The following TSHZ2 variants were observed in gnomAD, a reference collection of about 807,000 sequenced individuals.
The protein encoded by TSHZ2 is teashirt homolog 2.
In TSHZ2, 21 loss-of-function variants were observed where a neutral mutation model predicts 74.4. The observed-to-expected ratio is 0.28, with a 90% CI of 0.20 to 0.41. The LOEUF is 0.41. Ranked by LOEUF, TSHZ2 falls within the 10% of genes least tolerant of loss-of-function variation. The pLI is 1.00. For synonymous variants in TSHZ2, 540 were observed against 515.3 expected, an observed-to-expected ratio of 1.05 and a Z score of -0.65; for missense variants, 1,244 against 1,293.5, an observed-to-expected ratio of 0.96 and a Z score of 0.59.
chr20:53,103,960 G>T (rs1480303139), intron 1 of TSHZ2, among the ~76,000 whole-genome samples: 1 of 152,164 alleles, frequency 6.6e-6, no homozygotes, highest in Non-Finnish European at 1.5e-5. Context: ...GAGCCCAATT[G>T]ATCTGATGGA....
rs1336564438 is a variant in TSHZ2 at position 52,973,519 on chromosome 20, C to T, written c.40+186C>T. Among the ~76,000 whole-genome samples the T allele has an allele frequency of 9.2e-5, 14 of 152,176 alleles. 1 individual carries two copies. Among genetic ancestry groups the T allele is most frequent in the Admixed American group, 4.6e-4 (7 of 15,292 alleles). ...TCCCAAATCCTCCCCTTCCAAGCTC[C>T]GGTTGGGTTGGGGTGAGCTATCCCA... On this transcript the variant is annotated intron_variant, in intron 1 of 2. Coordinates refer to ENST00000371497, the MANE Select transcript of TSHZ2 (RefSeq NM_173485.6).
intron 1 of TSHZ2, among the ~76,000 whole-genome samples, chr20:53,062,426 G>A (rs1195627210): frequency 6.6e-6 from 1 of 152,202 alleles, no homozygotes; most frequent in Non-Finnish European, 1.5e-5. Context: ...CATCCTAATA[G>A]TTGTGACAAT....
chr20:53,177,640 A>C (rs774055379), intron 1 of TSHZ2, among the ~76,000 whole-genome samples: 3 of 152,238 alleles, frequency 2.0e-5, no homozygotes, highest in Non-Finnish European at 4.4e-5. Context: ...ATTATATCCT[A>C]TGATTACATT....
Position 53,302,777 on chromosome 20 carries a change from G to C in TSHZ2, c.*8+46206G>C, listed in dbSNP as rs116917332. The stretch of plus-strand genomic sequence containing the variant: ...AGGCAAGCCTTCAAAATGGGCTTCA[G>C]TAGATGTCAACTAATAAATGTTCAT... On this transcript the variant is annotated intron_variant, in intron 2 of 2. Transcript: ENST00000371497. Among the ~76,000 whole-genome samples, 916 of 152,336 alleles carry C rather than the reference G, an allele frequency of 6.0e-3. 2 individuals are homozygous for C. Among genetic ancestry groups the C allele is most frequent in the Middle Eastern group, 0.02 (6 of 294 alleles).
chr20:53,260,230 C>G (rs1990576243), intron 2 of TSHZ2, among the ~76,000 whole-genome samples: 1 of 152,196 alleles, frequency 6.6e-6, no homozygotes, highest in East Asian at 1.9e-4. Flanking sequence ...CCAAGCCTTG[C>G]AGCAAGCACT....
chr20:53,231,487 C>A lies in TSHZ2; in HGVS notation c.41-22012C>A, dbSNP rs114586258. Among the ~76,000 whole-genome samples the A allele has an allele frequency of 7.8e-3, 1,182 of 152,208 alleles. 11 individuals carry two copies. The highest frequency in any genetic ancestry group is 0.028 in the African/African-American group (1,146 of 41,518). On this transcript the variant is annotated intron_variant, in intron 1 of 2. Transcript: ENST00000371497. ...GGCCCTGGAAGCCACTGAACCCAAG[C>A]CATGAAAAGGATTTAAACACTGGGT... is the stretch of plus-strand genomic sequence containing the variant.
intron 1 of TSHZ2, among the ~76,000 whole-genome samples, chr20:53,146,818 G>T (rs542131627): frequency 1.2e-4 from 19 of 152,294 alleles, no homozygotes; most frequent in Non-Finnish European, 2.1e-4. Flanking sequence ...CAGCTGATTT[G>T]CAGGGAGGTA....
intron 2 of TSHZ2, among the ~76,000 whole-genome samples, chr20:53,441,744 G>A (rs1401685714): frequency 6.6e-6 from 1 of 151,520 alleles, no homozygotes; most frequent in Non-Finnish European, 1.5e-5. Context: ...ACCTTGCCTG[G>A]CTAATTTTTG....
At chr20:53,063,027 C>T (rs573281756) in intron 1 of TSHZ2, among the ~76,000 whole-genome samples, 56 of 152,210 alleles carry the variant, frequency 3.7e-4, no homozygotes, top group African/African-American at 1.0e-3. Context: ...GTTTGTTTGG[C>T]ACCCCCGAAA....
chr20:52,996,952 G>A (rs565844733), intron 1 of TSHZ2, among the ~76,000 whole-genome samples: 3 of 152,162 alleles, frequency 2.0e-5, no homozygotes, highest in Non-Finnish European at 4.4e-5. Flanking sequence ...TGCTTAATAG[G>A]AGCCACCTTT....
At chr20:53,444,990 G>A (rs192844034) in intron 2 of TSHZ2, among the ~76,000 whole-genome samples, 68 of 152,158 alleles carry the variant, frequency 4.5e-4, no homozygotes, top group African/African-American at 1.1e-3. Flanking sequence ...CATTGAGGCC[G>A]ATGTGGTTCA....
intron 1 of TSHZ2, among the ~76,000 whole-genome samples, chr20:53,079,679 C>T (rs16997482): frequency 0.026 from 3,975 of 152,212 alleles, 182 homozygotes; most frequent in African/African-American, 0.087. Context: ...GGTAATAAAA[C>T]GATAATAACT....
chr20:53,450,683 C>G (rs1984743161), intron 2 of TSHZ2, among the ~76,000 whole-genome samples: 1 of 152,074 alleles, frequency 6.6e-6, no homozygotes, highest in Admixed American at 6.6e-5. Flanking sequence ...GCCACCATAC[C>G]TGGCTTTTTG....
At chr20:53,382,929 G>A (rs1026456767) in intron 2 of TSHZ2, among the ~76,000 whole-genome samples, 2 of 152,212 alleles carry the variant, frequency 1.3e-5, no homozygotes, top group South Asian at 2.1e-4. Flanking sequence ...ATGGGATACC[G>A]ATCCCTCTTT....
chr20:53,298,926 C>G (rs1430167470), intron 2 of TSHZ2, among the ~76,000 whole-genome samples: 1 of 152,134 alleles, frequency 6.6e-6, no homozygotes, highest in East Asian at 1.9e-4. Flanking sequence ...ATATGAAGTG[C>G]CTCTGTGAAG....
intron 2 of TSHZ2, among the ~76,000 whole-genome samples, chr20:53,467,690 A>T (rs1985602521): frequency 1.3e-5 from 2 of 152,362 alleles, no homozygotes; most frequent in South Asian, 4.1e-4. Flanking sequence ...GAAAATGGAA[A>T]GAGAATATCA....
At chr20:53,320,271 G>C (rs985953883) in intron 2 of TSHZ2, among the ~76,000 whole-genome samples, 4 of 152,180 alleles carry the variant, frequency 2.6e-5, no homozygotes, top group African/African-American at 9.7e-5. Context: ...GGAAACTGAG[G>C]CATAGGGAGG....
intron 1 of TSHZ2, among the ~76,000 whole-genome samples, chr20:53,079,529 A>G (rs1985465499): frequency 6.6e-6 from 1 of 152,208 alleles, no homozygotes; most frequent in Non-Finnish European, 1.5e-5. Context: ...GGAATACAGA[A>G]AGGAAAAAAT....
chr20:53,462,514 T>C (rs1418752979), intron 2 of TSHZ2, among the ~76,000 whole-genome samples: 1 of 152,190 alleles, frequency 6.6e-6, no homozygotes, highest in Admixed American at 6.5e-5. Context: ...ACTGCCACCC[T>C]GCCCCAGCCC....
Sources: gnomAD v4.1 joint callset for allele counts (sites outside exome capture counted in the v4.1 genomes callset) on GRCh38, gnomAD v4.1.1 for gene constraint, MANE v1.5 for transcripts, NCBI Gene and HGNC (gene_info 2026-07-23, HGNC 2026-07-21) for gene names.